The following MACROD2 variants were observed in gnomAD, a reference collection of about 807,000 sequenced individuals.
MACROD2 encodes ADP-ribose glycohydrolase MACROD2.
In MACROD2, 36 loss-of-function variants were observed where a neutral mutation model predicts 70.4. The ratio of observed to expected loss-of-function variants is 0.51; its 90% confidence interval spans 0.39 to 0.68. The LOEUF (loss-of-function observed/expected upper bound fraction) is 0.68. MACROD2 is among the 30% of genes least tolerant of loss of function. MACROD2 has a pLI of 0.00. For missense variants in MACROD2, 496 were observed against 538.4 expected (o/e 0.92, Z 0.78); for synonymous variants, 172 against 178.8 (o/e 0.96, Z 0.30).
rs1242758087 is a variant in MACROD2, at chr20:15,178,889, A to T, written c.419-51051A>T. ...TGCTTTGTGGTAATGGGTAGTGACC[A>T]CAGTATAGCAGGGGCAAATTGAACA... On this transcript the variant is annotated intron_variant, in intron 5 of 17. Coordinates refer to ENST00000684519, the MANE Select transcript of MACROD2 (RefSeq NM_001351661.2). Among the ~76,000 whole-genome samples the T allele has an allele frequency of 2.0e-5, 3 of 152,172 alleles. No individual in the cohort carries two copies. In the East Asian group the frequency reaches 5.8e-4, roughly 29 times the overall value.
At chr20:15,100,901 A>G (rs1019125705) in intron 5 of MACROD2, among the ~76,000 whole-genome samples, 3 of 152,156 alleles carry the variant, frequency 2.0e-5, no homozygotes, top group Non-Finnish European at 4.4e-5. Context: ...TTGGTTACAT[A>G]TTTTGAGAGG....
rs569645712 is a variant in MACROD2 at position 15,497,703 on chromosome 20, A to G, written c.572-2071A>G. Among the ~76,000 whole-genome samples, 7 of 152,278 alleles carry G rather than the reference A, an allele frequency of 4.6e-5. No homozygotes were observed. The South Asian group carries it at 1.2e-3, about 27-fold the overall frequency. The stretch of plus-strand genomic sequence containing the variant: ...CGGGACTCACAGCTTATTTCTGAGA[A>G]TAATGTCTCCTTGGTTCCCCATTTT... On this transcript the variant is annotated intron_variant, in intron 7 of 17. Coordinates refer to ENST00000684519, the MANE Select transcript of MACROD2 (RefSeq NM_001351661.2).
intron 5 of MACROD2, among the ~76,000 whole-genome samples, chr20:15,029,596 C>T (rs74454350): frequency 0.028 from 4,292 of 152,216 alleles, 91 homozygotes; most frequent in Middle Eastern, 0.051. Flanking sequence ...AGTGGAGGTA[C>T]CAAGCTTTTC....
chr20:14,023,594 G>A (rs774689906), intron 2 of MACROD2, among the ~76,000 whole-genome samples: 11 of 152,120 alleles, frequency 7.2e-5, no homozygotes, highest in Non-Finnish European at 1.6e-4. Context: ...GTAAGGAAGG[G>A]GTCCAGTTTC....
chr20:15,180,029 C>T (rs2076489439), intron 5 of MACROD2, among the ~76,000 whole-genome samples: 1 of 152,186 alleles, frequency 6.6e-6, no homozygotes. Flanking sequence ...ATGGTCCTCC[C>T]TTTGTGCACC....
intron 8 of MACROD2, among the ~76,000 whole-genome samples, chr20:15,814,796 A>T (rs1354551850): frequency 6.6e-5 from 10 of 152,202 alleles, no homozygotes; most frequent in Admixed American, 5.2e-4. Flanking sequence ...GTGTTTCATA[A>T]ATATTTTCTG....
intron 8 of MACROD2, among the ~76,000 whole-genome samples, chr20:15,836,366 G>A (rs2064114425): frequency 6.6e-6 from 1 of 152,168 alleles, no homozygotes; most frequent in South Asian, 2.1e-4. Context: ...TTCTGCAGAA[G>A]CAATCTCATT....
intron 8 of MACROD2, among the ~76,000 whole-genome samples, chr20:15,555,249 A>C (rs918193790): frequency 1.3e-5 from 2 of 152,292 alleles, no homozygotes; most frequent in African/African-American, 4.8e-5. Flanking sequence ...TCTATTTCCC[A>C]ATCAGAATAA....
At chr20:14,167,624 A>T (rs2181531) in intron 3 of MACROD2, among the ~76,000 whole-genome samples, 1 of 151,762 alleles carries the variant, frequency 6.6e-6, no homozygotes, top group Non-Finnish European at 1.5e-5. Flanking sequence ...TCCTGACCTC[A>T]GGTGATCCAC....
chr20:14,144,761 T>C (rs2054924544), intron 3 of MACROD2, among the ~76,000 whole-genome samples: 1 of 152,096 alleles, frequency 6.6e-6, no homozygotes, highest in Admixed American at 6.6e-5. Flanking sequence ...GTGAGGATAG[T>C]TGAGGGTGGG....
At chr20:15,528,280 A>G (rs1233716) in intron 8 of MACROD2, among the ~76,000 whole-genome samples, 47,817 of 152,022 alleles carry the variant, frequency 0.31, 10,185 homozygotes, top group African/African-American at 0.59. Flanking sequence ...GACTACAGGC[A>G]TGTGCCACCA....
At chr20:14,323,851 C>CT (rs1289053107) in intron 3 of MACROD2, 1 of 152,160 alleles carries the variant, frequency 6.6e-6, no homozygotes, top group Non-Finnish European at 1.5e-5. Context: ...AGTATCAGGA[C>CT]AGTGGCAGCA....
intron 2 of MACROD2, among the ~76,000 whole-genome samples, chr20:14,045,299 C>T (rs1320942847): frequency 3.3e-5 from 5 of 152,216 alleles, no homozygotes; most frequent in East Asian, 1.9e-4. Context: ...GAGGAGGCGC[C>T]GAGAGCAAGC....
intron 5 of MACROD2, among the ~76,000 whole-genome samples, chr20:14,911,878 A>C (rs2074032045): frequency 6.6e-6 from 1 of 152,100 alleles, no homozygotes; most frequent in African/African-American, 2.4e-5. Flanking sequence ...GGCATGACGA[A>C]GTCTAATTTT....
intron 8 of MACROD2, among the ~76,000 whole-genome samples, chr20:15,601,957 G>T (rs1025630973): frequency 6.6e-6 from 1 of 152,128 alleles, no homozygotes; most frequent in African/African-American, 2.4e-5. Flanking sequence ...AAATCCGGGA[G>T]GTGGAGGTTC....
rs2047746220 is a variant in MACROD2 at position 15,528,136 on chromosome 20, A to G, written c.645+28289A>G. Among the ~76,000 whole-genome samples the G allele has an allele frequency of 2.4e-5, 3 of 123,146 alleles. No homozygotes were observed. The South Asian group carries it at 8.6e-4, about 35-fold the overall frequency. The allele number at this position is 123,146 out of a possible 152,430, so 80.8% of individuals were successfully genotyped here. On this transcript the variant is annotated intron_variant, in intron 8 of 17. Coordinates refer to ENST00000684519, the MANE Select transcript of MACROD2 (RefSeq NM_001351661.2). ...TCCAGGGGTATTTGGCAACGTCTGG[A>G]CACATTTTTTTTTATTTGAGACAGA...
At chr20:15,618,724 G>A (rs1337181811) in intron 8 of MACROD2, among the ~76,000 whole-genome samples, 2 of 152,304 alleles carry the variant, frequency 1.3e-5, no homozygotes, top group Admixed American at 6.5e-5. Flanking sequence ...AAGATGGGAG[G>A]GGCAGAAGCC....
At chr20:15,562,572 T>G (rs1393589403) in intron 8 of MACROD2, among the ~76,000 whole-genome samples, 1 of 152,224 alleles carries the variant, frequency 6.6e-6, no homozygotes, top group Non-Finnish European at 1.5e-5. Context: ...TTGTTGGAGT[T>G]CATCACTTTA....
chr20:14,725,691 A>T lies in MACROD2; in HGVS notation c.418+40732A>T, dbSNP rs143346592. Among the ~76,000 whole-genome samples, 1,159 of 152,236 alleles carry T rather than the reference A, an allele frequency of 7.6e-3. 23 individuals carry two copies. Among genetic ancestry groups the T allele is most frequent in the African/African-American group, 0.027 (1,114 of 41,536 alleles). On this transcript the variant is annotated intron_variant, in intron 5 of 17. Coordinates refer to ENST00000684519, the MANE Select transcript of MACROD2 (RefSeq NM_001351661.2). ...AAGCAGGTTACCAGCAAAAAACTGAAGCTCCATTCTGCTGGTGACCGCTGG... is the reference window on the plus strand; with the variant it reads ...AAGCAGGTTACCAGCAAAAAACTGATGCTCCATTCTGCTGGTGACCGCTGG...
Sources: allele counts gnomAD v4.1 joint callset (sites outside exome capture counted in the v4.1 genomes callset), GRCh38; gene constraint gnomAD v4.1.1; transcripts MANE v1.5; gene names NCBI Gene and HGNC (gene_info 2026-07-23, HGNC 2026-07-21).